Variants in NLK observed in about 807,000 individuals in gnomAD.
NLK encodes serine/threonine-protein kinase NLK.
A neutral mutation model predicts 59.0 loss-of-function variants in NLK; 11 were observed. That is an observed-to-expected ratio of 0.19 (90% CI 0.12 to 0.31). NLK has a LOEUF of 0.31. Among genes scored for constraint, NLK ranks in the 10% least tolerant of loss-of-function variants. NLK has a pLI of 1.00. For missense variants in NLK, 410 were observed against 661.1 expected (o/e 0.62, Z 4.16); for synonymous variants, 235 against 235.9 (o/e 1.00, Z 0.03).
intron 1 of NLK, among the ~76,000 whole-genome samples, chr17:28,071,270 A>G (rs1165159309): frequency 1.3e-5 from 2 of 152,110 alleles, no homozygotes; most frequent in Non-Finnish European, 2.9e-5. Flanking sequence ...TATTTTGGCT[A>G]CTCTAGAAGC....
chr17:28,120,281 T>C (rs1011019925), intron 1 of NLK, among the ~76,000 whole-genome samples: 1 of 151,388 alleles, frequency 6.6e-6, no homozygotes, highest in African/African-American at 2.4e-5. Context: ...TGTATGTGTG[T>C]GTGTAAAATA....
At chr17:28,078,935 C>T (rs1417758948) in intron 1 of NLK, among the ~76,000 whole-genome samples, 1 of 152,112 alleles carries the variant, frequency 6.6e-6, no homozygotes, top group Non-Finnish European at 1.5e-5. Flanking sequence ...TAAAAATGTA[C>T]AGTATAGTTG....
chr17:28,171,543 A>G (rs1017647428), intron 6 of NLK, among the ~76,000 whole-genome samples: 1 of 152,200 alleles, frequency 6.6e-6, no homozygotes, highest in African/African-American at 2.4e-5. Flanking sequence ...ATATTTTTCT[A>G]AGTGTCACAG....
intron 1 of NLK, among the ~76,000 whole-genome samples, chr17:28,091,284 A>G (rs146008623): frequency 6.6e-6 from 1 of 152,180 alleles, no homozygotes; most frequent in Non-Finnish European, 1.5e-5. Flanking sequence ...TCAAGGATTC[A>G]TACCAGAGCC....
At chr17:28,120,037 A>G (rs1905957269) in intron 1 of NLK, among the ~76,000 whole-genome samples, 1 of 152,214 alleles carries the variant, frequency 6.6e-6, no homozygotes, top group Admixed American at 6.5e-5. Flanking sequence ...TGACAGTTGA[A>G]TACAGTGTGT....
At chr17:28,083,300 A>G (rs34246983) in intron 1 of NLK, among the ~76,000 whole-genome samples, 9 of 152,346 alleles carry the variant, frequency 5.9e-5, no homozygotes, top group South Asian at 2.1e-4. Context: ...ATAAACATGT[A>G]TCATCCTTCT....
chr17:28,055,076 G>A (rs1909391716), intron 1 of NLK, among the ~76,000 whole-genome samples: 1 of 149,486 alleles, frequency 6.7e-6, no homozygotes, highest in Non-Finnish European at 1.5e-5. Context: ...TTGTAGGGTT[G>A]TTGTGGGGAT....
intron 1 of NLK, among the ~76,000 whole-genome samples, chr17:28,113,851 C>T (rs1466070089): frequency 1.3e-5 from 2 of 152,162 alleles, no homozygotes; most frequent in Non-Finnish European, 2.9e-5. Flanking sequence ...TCCTCTCCTC[C>T]TGAGATAATC....
chr17:28,142,604 C>T (rs1907054310), intron 3 of NLK, among the ~76,000 whole-genome samples: 1 of 152,156 alleles, frequency 6.6e-6, no homozygotes, highest in Non-Finnish European at 1.5e-5. Context: ...TCAACCATAT[C>T]TGTAAACCAG....
intron 1 of NLK, among the ~76,000 whole-genome samples, chr17:28,089,109 T>G (rs886354811): frequency 2.0e-5 from 3 of 152,200 alleles, no homozygotes; most frequent in Non-Finnish European, 4.4e-5. Context: ...TGTAAAGAAC[T>G]TTGTTAAAAT....
chr17:28,143,589 A>C (rs1382231911), intron 3 of NLK, among the ~76,000 whole-genome samples: 1 of 152,206 alleles, frequency 6.6e-6, no homozygotes, highest in African/African-American at 2.4e-5. Flanking sequence ...TTGATACAAC[A>C]TGTTGCCATT....
intron 1 of NLK, among the ~76,000 whole-genome samples, chr17:28,092,732 C>G (rs1904541078): frequency 6.6e-6 from 1 of 151,536 alleles, no homozygotes; most frequent in African/African-American, 2.4e-5. Context: ...AAGAGCTAAG[C>G]AACTAAGTGG....
chr17:28,095,551 T>G (rs1042095022), intron 1 of NLK, among the ~76,000 whole-genome samples: 2 of 152,228 alleles, frequency 1.3e-5, no homozygotes, highest in Non-Finnish European at 2.9e-5. Context: ...GATTGTAGTA[T>G]GATTGTACAC....
intron 8 of NLK, among the ~76,000 whole-genome samples, chr17:28,186,641 CAAAG>C (rs538818268): frequency 1.1e-3 from 164 of 152,188 alleles, no homozygotes; most frequent in Non-Finnish European, 2.0e-3. Flanking sequence ...TGGCAGCAGG[CAAAG>C]AGAGAGAGCT....
intron 6 of NLK, among the ~76,000 whole-genome samples, chr17:28,169,420 T>A (rs1908373896): frequency 2.0e-5 from 3 of 152,216 alleles, no homozygotes; most frequent in Admixed American, 2.0e-4. Context: ...ATTATTGGAC[T>A]AAAATATCTA....
chr17:28,046,081 G>C (rs1188435673), intron 1 of NLK, among the ~76,000 whole-genome samples: 1 of 152,206 alleles, frequency 6.6e-6, no homozygotes, highest in Non-Finnish European at 1.5e-5. Context: ...CATACACCCA[G>C]GGGTACTAAC....
chr17:28,093,864 G>A (rs1275660404), intron 1 of NLK, among the ~76,000 whole-genome samples: 2 of 152,130 alleles, frequency 1.3e-5, no homozygotes, highest in East Asian at 3.9e-4. Flanking sequence ...AATGGTTTCT[G>A]CTATTGTTAA....
chr17:28,150,966 G>T (rs1265539509), intron 3 of NLK, among the ~76,000 whole-genome samples: 1 of 152,120 alleles, frequency 6.6e-6, no homozygotes, highest in Non-Finnish European at 1.5e-5. Context: ...TGACCCAGTG[G>T]GTACACCAGC....
intron 6 of NLK, among the ~76,000 whole-genome samples, chr17:28,171,063 CCATTTTAGA>C (rs1908442456): frequency 6.6e-6 from 1 of 152,092 alleles, no homozygotes; most frequent in Non-Finnish European, 1.5e-5. Flanking sequence ...TGGATCTGAC[CCATTTTAGA>C]CAACTTTCTG....
Sources: gnomAD v4.1 joint callset for allele counts (sites outside exome capture counted in the v4.1 genomes callset) on GRCh38, gnomAD v4.1.1 for gene constraint, MANE v1.5 for transcripts, NCBI Gene and HGNC (gene_info 2026-07-23, HGNC 2026-07-21) for gene names.